The following MAP2K5 variants were observed in gnomAD, a reference collection of about 807,000 sequenced individuals.
MAP2K5 encodes the protein mitogen-activated protein kinase kinase 5, also known as dual specificity mitogen-activated protein kinase kinase 5.
MAP2K5 carries 49 observed loss-of-function variants against 83.1 expected under a neutral mutation model. That is an observed-to-expected ratio of 0.59 (90% CI 0.47 to 0.75). The LOEUF is 0.75. Among genes scored for constraint, MAP2K5 ranks in the 30% least tolerant of loss-of-function variants. MAP2K5 has a pLI of 0.00. For synonymous variants in MAP2K5, 202 were observed against 191.8 expected (o/e 1.05, Z -0.44); for missense variants, 457 against 557.5 (o/e 0.82, Z 1.82).
rs1453493156 is a variant in MAP2K5 at position 67,565,964 on chromosome 15, A to G, written c.252+2614A>G. ...TTCTTATGATTGAAATTTAAGGAGA[A>G]CCATTTGGACGTAACCTTACAGTAG... is the stretch of plus-strand genomic sequence containing the variant. On this transcript the variant is annotated intron_variant, in intron 3 of 21. Coordinates refer to ENST00000178640, the MANE Select transcript of MAP2K5 (RefSeq NM_145160.3). The surrounding 1 kb of genome is among the most constrained non-coding windows in gnomAD (Gnocchi z 4.1). Among the ~76,000 whole-genome samples, 1 of 151,768 alleles carries G rather than the reference A, an allele frequency of 6.6e-6. No homozygotes were observed. The highest frequency in any genetic ancestry group is 1.5e-5 in the Non-Finnish European group (1 of 67,952).
chr15:67,784,579 T>A (rs1387649875), intron 21 of MAP2K5, among the ~76,000 whole-genome samples: 1 of 152,166 alleles, frequency 6.6e-6, no homozygotes, highest in Non-Finnish European at 1.5e-5. Flanking sequence ...GGTGGCAGGG[T>A]GGCCTGGTTG....
chr15:67,699,682 G>A (rs1291605577), intron 15 of MAP2K5, among the ~76,000 whole-genome samples: 4 of 152,014 alleles, frequency 2.6e-5, no homozygotes, highest in Admixed American at 6.6e-5. Context: ...AGAGAACCAG[G>A]CACACAAGAA....
intron 16 of MAP2K5, among the ~76,000 whole-genome samples, chr15:67,713,385 C>T (rs142460464): frequency 5.5e-4 from 83 of 152,192 alleles, no homozygotes; most frequent in African/African-American, 1.9e-3. Context: ...ATCTTCTATA[C>T]GTATAAGTAA....
intron 3 of MAP2K5, among the ~76,000 whole-genome samples, chr15:67,575,610 T>C (rs947884258): frequency 1.3e-5 from 2 of 152,226 alleles, no homozygotes; most frequent in African/African-American, 4.8e-5. Context: ...GATAACCTAC[T>C]TCTTAACTTG....
At chr15:67,688,725 T>C (rs1476890422) in intron 13 of MAP2K5, among the ~76,000 whole-genome samples, 1 of 152,204 alleles carries the variant, frequency 6.6e-6, no homozygotes, top group Non-Finnish European at 1.5e-5. Flanking sequence ...TTCTCTAATA[T>C]TGACAAGGTA....
At chr15:67,600,634 T>G in intron 7 of MAP2K5, 51 bp from the exon 8 acceptor site, 1 of 1,459,176 alleles carries the variant, frequency 6.9e-7, no homozygotes, top group Non-Finnish European at 9.5e-7. Flanking sequence ...TTCCTTGACA[T>G]TTCCATCCAC....
chr15:67,598,249 T>C (rs936145537), intron 7 of MAP2K5, among the ~76,000 whole-genome samples: 2 of 151,998 alleles, frequency 1.3e-5, no homozygotes, highest in African/African-American at 4.8e-5. Context: ...TGTCAATCAG[T>C]TCACAGGCCA....
intron 16 of MAP2K5, among the ~76,000 whole-genome samples, chr15:67,716,593 T>C (rs1245194333): frequency 6.6e-6 from 1 of 152,222 alleles, no homozygotes; most frequent in Non-Finnish European, 1.5e-5. Flanking sequence ...CTAGAATTTT[T>C]TTTAACCTAA....
intron 13 of MAP2K5, among the ~76,000 whole-genome samples, chr15:67,669,894 A>G (rs1196164577): frequency 2.0e-5 from 3 of 152,186 alleles, no homozygotes; most frequent in Non-Finnish European, 4.4e-5. Context: ...TGCTTTGAAA[A>G]ATAGTTTGAC....
intron 21 of MAP2K5, among the ~76,000 whole-genome samples, chr15:67,788,700 G>C (rs762836970): frequency 6.6e-6 from 1 of 152,118 alleles, no homozygotes; most frequent in Non-Finnish European, 1.5e-5. Flanking sequence ...AATTTGGCCA[G>C]ACATGGTGGA....
rs1391081719 is a variant in MAP2K5 at position 67,563,861 on chromosome 15, A to T, written c.252+511A>T. On this transcript the variant is annotated intron_variant, in intron 3 of 21. Transcript: ENST00000178640. This position sits in a 1 kb window ranked among gnomAD's most constrained non-coding sequence, Gnocchi z 4.5. ...CAGGGCTACTTACTGAATCAAAGTG[A>T]TCTGAATATATTCTGAAACGACTTT... Among the ~76,000 whole-genome samples, 4 of 152,198 alleles carry T rather than the reference A, an allele frequency of 2.6e-5. No homozygotes were observed. Among genetic ancestry groups the T allele is most frequent in the East Asian group, 1.9e-4 (1 of 5,204 alleles).
intron 6 of MAP2K5, among the ~76,000 whole-genome samples, chr15:67,588,515 T>C (rs1311318214): frequency 6.6e-6 from 1 of 152,252 alleles, no homozygotes; most frequent in Non-Finnish European, 1.5e-5. Context: ...GATTCTATAC[T>C]ATTTGAGGGC....
At chr15:67,546,714 C>G in intron 1 of MAP2K5, 2 of 539,112 alleles carry the variant, frequency 3.7e-6, no homozygotes, top group Non-Finnish European at 4.7e-6. Context: ...AATGCCCAAC[C>G]CTCTCCCCTC....
chr15:67,660,366 C>G (rs2087206502), intron 12 of MAP2K5, among the ~76,000 whole-genome samples: 1 of 151,980 alleles, frequency 6.6e-6, no homozygotes, highest in Admixed American at 6.6e-5. Context: ...TGGCCCATGG[C>G]TAATACCTGG....
chr15:67,549,101 C>G (rs1205992839), intron 1 of MAP2K5: 19 of 1,533,392 alleles, frequency 1.2e-5, no homozygotes, highest in Non-Finnish European at 1.6e-5. Flanking sequence ...GGTGCCAGTT[C>G]TGCTGCAGCC....
rs774658202 is a variant in MAP2K5, at chr15:67,806,924, C to T, written c.*174C>T. 5.0e-6 allele frequency: 8 copies of T among 1,586,938 alleles called. No individual in the cohort carries two copies. The South Asian group carries it at 9.1e-5, about 18-fold the overall frequency. On this transcript the variant is annotated 3_prime_UTR_variant, in exon 22 of 22. Transcript: ENST00000178640. ...TGCCTGGGGAGCCCCATGTGTGGCCCACCCCACCAGGCCATCCCCATACCT... is the reference window on the plus strand; with the variant it reads ...TGCCTGGGGAGCCCCATGTGTGGCCTACCCCACCAGGCCATCCCCATACCT...
rs1363681719 is a variant in MAP2K5 at position 67,779,907 on chromosome 15, T to C, written c.1242+7155T>C. Reference sequence around the variant, plus strand: ...GTGGGTCTTTAAAGTATGTTACACTTTAGTTCCTCATTGGCCATGACTCAG... The same window carrying C: ...GTGGGTCTTTAAAGTATGTTACACTCTAGTTCCTCATTGGCCATGACTCAG... On this transcript the variant is annotated intron_variant, in intron 21 of 21. Coordinates refer to ENST00000178640, the MANE Select transcript of MAP2K5 (RefSeq NM_145160.3). This position sits in a 1 kb window ranked among gnomAD's most constrained non-coding sequence, Gnocchi z 4.6. Among the ~76,000 whole-genome samples the C allele has an allele frequency of 1.3e-5, 2 of 152,176 alleles. No individual in the cohort carries two copies. The highest frequency in any genetic ancestry group is 3.8e-4 in the East Asian group (2 of 5,202).
intron 20 of MAP2K5, 22 bp from the exon 21 acceptor site, chr15:67,772,685 G>C: frequency 6.6e-7 from 1 of 1,525,390 alleles, no homozygotes; most frequent in East Asian, 2.4e-5. Context: ...TAACATAAGG[G>C]GTTTTTTTCT....
chr15:67,702,024 G>A lies in MAP2K5; in HGVS notation c.973-1313G>A, dbSNP rs2088433005. On this transcript the variant is annotated intron_variant, in intron 15 of 21. Transcript: ENST00000178640. The surrounding 1 kb of genome is among the most constrained non-coding windows in gnomAD (Gnocchi z 4.6). ...TCAGTTTTTACATTTGTAAACTGAGGGCAATAATACCTACTTTTGCAAAAT... is the reference window on the plus strand; with the variant it reads ...TCAGTTTTTACATTTGTAAACTGAGAGCAATAATACCTACTTTTGCAAAAT... Among the ~76,000 whole-genome samples the A allele has an allele frequency of 6.6e-6, 1 of 152,052 alleles. No homozygotes were observed. The highest frequency in any genetic ancestry group is 6.6e-5 in the Admixed American group (1 of 15,256).
Sources: gnomAD v4.1 joint callset for allele counts (sites outside exome capture counted in the v4.1 genomes callset) on GRCh38, gnomAD v4.1.1 for gene constraint, Gnocchi (gnomAD v3.1) non-coding constraint, MANE v1.5 for transcripts, NCBI Gene and HGNC (gene_info 2026-07-23, HGNC 2026-07-21) for gene names.